The following CRTC3 variants were observed in gnomAD, a reference collection of about 807,000 sequenced individuals.
CRTC3 encodes CREB regulated transcription coactivator 3.
A neutral mutation model predicts 74.5 loss-of-function variants in CRTC3; 26 were observed. The observed-to-expected ratio is 0.35, with a 90% CI of 0.26 to 0.48. CRTC3 has a LOEUF of 0.48. Among genes scored for constraint, CRTC3 ranks in the 20% least tolerant of loss-of-function variants. The pLI is 0.99. For missense variants in CRTC3, 760 were observed against 787.3 expected (o/e 0.97, Z 0.41); for synonymous variants, 377 against 325.8 (o/e 1.16, Z -1.69).
chr15:90,545,364 G>A (rs72748119), intron 2 of CRTC3, among the ~76,000 whole-genome samples: 13,052 of 151,460 alleles, frequency 0.086, 855 homozygotes, highest in Non-Finnish European at 0.13. Context: ...ATACTCAGAA[G>A]TAGGATTGCT....
chr15:90,641,954 C>T lies in CRTC3; in HGVS notation c.1674C>T (p.Phe558=). The part of the protein sequence containing the change: ...ILPEDSSTSL[F]KDLNSALAGL... ...CAGAAGACTCCAGCACCAGCCTGTT[C>T]AAAGACCTCAACAGTGCGCTGGCAG... Residue 558 remains phenylalanine, a synonymous_variant, in exon 15 of 15, where the codon TTC becomes TTT. Coordinates refer to ENST00000268184, the MANE Select transcript of CRTC3 (RefSeq NM_022769.5). 3 of 1,613,658 alleles carry T rather than the reference C, an allele frequency of 1.9e-6. No homozygotes were observed. Among genetic ancestry groups the T allele is most frequent in the Middle Eastern group, 3.3e-4 (2 of 6,016 alleles).
In CRTC3 at chr15:90,644,671, G is replaced by A. The variant is rs183322291; in HGVS notation, c.*2531G>A. ...TTTCTTGTGAAAGGTTTTGGGCATC[G>A]TACAACCCACTCTGCCTAGAAGGTG... is the stretch of plus-strand genomic sequence containing the variant. On this transcript the variant is annotated 3_prime_UTR_variant, in exon 15 of 15. Coordinates refer to ENST00000268184, the MANE Select transcript of CRTC3 (RefSeq NM_022769.5). The A allele has an allele frequency of 2.2e-5, 5 of 232,174 alleles. No homozygotes were observed. Among genetic ancestry groups the A allele is most frequent in the Admixed American group, 1.1e-4 (2 of 17,748 alleles). 14.4% of individuals were successfully genotyped at this position (232,174 alleles called of 1,614,324 possible).
intron 6 of CRTC3, among the ~76,000 whole-genome samples, chr15:90,608,252 G>T (rs1968276290): frequency 6.6e-6 from 1 of 152,102 alleles, no homozygotes; most frequent in Admixed American, 6.5e-5. Flanking sequence ...TGATCATCTT[G>T]CTCTCCCACT....
Position 90,617,865 on chromosome 15 carries a change from C to CT in CRTC3, c.614-9dup, listed in dbSNP as rs540129338. 858 of 1,539,530 alleles carry CT rather than the reference C, an allele frequency of 5.6e-4. No homozygotes were observed. Among genetic ancestry groups the CT allele is most frequent in the African/African-American group, 1.5e-3 (113 of 73,310 alleles). On this transcript the variant is annotated splice_polypyrimidine_tract_variant and intron_variant, in intron 7 of 14. Coordinates refer to ENST00000268184, the MANE Select transcript of CRTC3 (RefSeq NM_022769.5). ...GCCTTCTCATGCAATGACTGTGCTG[C>CT]TTTTTTTTTCCCTTTAGTAGCATCT...
intron 9 of CRTC3, among the ~76,000 whole-genome samples, chr15:90,622,186 G>A (rs7180298): frequency 0.021 from 3,214 of 152,242 alleles, 122 homozygotes; most frequent in African/African-American, 0.073. Flanking sequence ...AGAGAAGATG[G>A]GAGTCGTTAG....
At chr15:90,614,655 A>G (rs951258030) in intron 7 of CRTC3, 167 bp downstream of exon 7, 2 of 546,702 alleles carry the variant, frequency 3.7e-6, no homozygotes, top group African/African-American at 3.9e-5. Context: ...AAGGCTAGCC[A>G]TGTTCAGGGC....
At chr15:90,538,973 G>T (rs1966762664) in intron 1 of CRTC3, among the ~76,000 whole-genome samples, 1 of 152,168 alleles carries the variant, frequency 6.6e-6, no homozygotes, top group Non-Finnish European at 1.5e-5. Flanking sequence ...AGTCTCATTT[G>T]CATGGTTGTG....
In CRTC3 at chr15:90,533,874, T is replaced by G. The variant is rs114745085; in HGVS notation, c.132+3671T>G. Among the ~76,000 whole-genome samples, 1,295 of 151,882 alleles carry G rather than the reference T, an allele frequency of 8.5e-3. 20 individuals are homozygous for G. Among genetic ancestry groups the G allele is most frequent in the African/African-American group, 0.029 (1,200 of 41,410 alleles). On this transcript the variant is annotated intron_variant, in intron 1 of 14. Transcript: ENST00000268184. ...GGGAGTGGGGGAGGCATTCGAGGGT[T>G]TGTGTGTTGAGGGAGGGAATATGTT...
intron 3 of CRTC3, chr15:90,599,075 G>A (rs968165292): frequency 6.5e-6 from 1 of 152,912 alleles, no homozygotes; most frequent in Non-Finnish European, 1.5e-5. Flanking sequence ...GAAGGCAAAG[G>A]GGCGGAAAGG....
At chr15:90,615,088 A>T (rs8032003) in intron 7 of CRTC3, among the ~76,000 whole-genome samples, 98,925 of 148,382 alleles carry the variant, frequency 0.67, 33,664 homozygotes, top group East Asian at 0.87. Flanking sequence ...ATAAATAAAT[A>T]AATTAATTAA....
At chr15:90,609,873 C>T (rs763823347) in intron 6 of CRTC3, among the ~76,000 whole-genome samples, 4 of 152,158 alleles carry the variant, frequency 2.6e-5, no homozygotes, top group Non-Finnish European at 2.9e-5. Flanking sequence ...TCGTGGTGGT[C>T]TCTCCTTTTC....
chr15:90,546,324 A>G (rs987941427), intron 2 of CRTC3, among the ~76,000 whole-genome samples: 1 of 152,100 alleles, frequency 6.6e-6, no homozygotes, highest in African/African-American at 2.4e-5. Flanking sequence ...ATGCCTTGGT[A>G]CCTTTGTTGA....
chr15:90,554,527 C>T (rs1252519185), intron 2 of CRTC3, among the ~76,000 whole-genome samples: 1 of 152,182 alleles, frequency 6.6e-6, no homozygotes, highest in Non-Finnish European at 1.5e-5. Flanking sequence ...TATAATTGTT[C>T]CTATTGCTCC....
At chr15:90,578,447 G>A (rs1473371224) in intron 2 of CRTC3, among the ~76,000 whole-genome samples, 9 of 152,052 alleles carry the variant, frequency 5.9e-5, no homozygotes, top group African/African-American at 1.9e-4. Flanking sequence ...CTAACTACTC[G>A]GGAGGCTGAG....
chr15:90,635,868 C>T (rs1197717803), intron 11 of CRTC3, among the ~76,000 whole-genome samples: 7 of 151,978 alleles, frequency 4.6e-5, no homozygotes, highest in Non-Finnish European at 8.8e-5. Context: ...AGGACCTCTT[C>T]AAGGAGAACT....
intron 5 of CRTC3, 107 bp from the exon 6 acceptor site, chr15:90,607,271 A>T: frequency 1.5e-6 from 1 of 683,638 alleles, no homozygotes; most frequent in South Asian, 1.9e-5. Context: ...GTTGATTATA[A>T]ATCAGTTATT....
At chr15:90,621,260 A>G (rs908556490) in intron 9 of CRTC3, among the ~76,000 whole-genome samples, 1 of 152,218 alleles carries the variant, frequency 6.6e-6, no homozygotes, top group African/African-American at 2.4e-5. Flanking sequence ...AACATTATAG[A>G]ATTGGGCTGC....
At chr15:90,553,865 A>G (rs1242624504) in intron 2 of CRTC3, among the ~76,000 whole-genome samples, 1 of 152,250 alleles carries the variant, frequency 6.6e-6, no homozygotes, top group East Asian at 1.9e-4. Context: ...CATGGGATAA[A>G]ACCAATGATC....
chr15:90,606,568 A>T (rs897981822), intron 5 of CRTC3, among the ~76,000 whole-genome samples: 34 of 152,160 alleles, frequency 2.2e-4, no homozygotes, highest in African/African-American at 8.0e-4. Flanking sequence ...TCTCAGAAAA[A>T]AATAATAAAA....
Sources: gnomAD v4.1 joint callset for allele counts (sites outside exome capture counted in the v4.1 genomes callset) on GRCh38, gnomAD v4.1.1 for gene constraint, MANE v1.5 for transcripts, NCBI Gene and HGNC (gene_info 2026-07-23, HGNC 2026-07-21) for gene names.